The following SYN3 variants were observed in gnomAD, a reference collection of about 807,000 sequenced individuals.
SYN3 encodes synapsin-3.
Under a neutral mutation model 65.8 loss-of-function variants are expected in SYN3, and 35 were observed. That is an observed-to-expected ratio of 0.53 (90% CI 0.41 to 0.70). The LOEUF (loss-of-function observed/expected upper bound fraction) is 0.70, where lower values mean the gene tolerates loss of function less well. Ranked by LOEUF, SYN3 falls within the 30% of genes least tolerant of loss-of-function variation. The pLI is 0.00. For missense variants in SYN3, 680 were observed against 749.0 expected (o/e 0.91, Z 1.08); for synonymous variants, 270 against 292.9 (o/e 0.92, Z 0.80).
chr22:32,583,607 T>C (rs1391440849), intron 7 of SYN3, among the ~76,000 whole-genome samples: 1 of 152,212 alleles, frequency 6.6e-6, no homozygotes, highest in Non-Finnish European at 1.5e-5. Flanking sequence ...ATTTCTCCTC[T>C]TTGATCTCTG....
chr22:32,641,240 A>G (rs1366509872), intron 6 of SYN3, among the ~76,000 whole-genome samples: 1 of 152,134 alleles, frequency 6.6e-6, no homozygotes, highest in Non-Finnish European at 1.5e-5. Flanking sequence ...GTTCAGAATG[A>G]ACATCACCTC....
At position 32,512,825 on chromosome 22, in the gene SYN3, G is replaced by C. The variant is rs375418041; in HGVS notation, c.*867C>G. ...CCCAACAGATCCATAAAAAGGAAAC[G>C]GCATTCCTGGTGGGAGGCCAGAGAG... On this transcript the variant is annotated 3_prime_UTR_variant, in exon 14 of 14. Transcript: ENST00000358763. 2 of 152,156 alleles carry C rather than the reference G, an allele frequency of 1.3e-5. No homozygotes were observed. Among genetic ancestry groups the C allele is most frequent in the African/African-American group, 4.8e-5 (2 of 41,428 alleles). 9.4% of individuals were successfully genotyped at this position (152,156 alleles called of 1,614,324 possible). A position where few individuals can be genotyped will look rare whatever the true frequency, so the allele number is the denominator to read the frequency against.
intron 6 of SYN3, among the ~76,000 whole-genome samples, chr22:32,670,968 T>C (rs1190715378): frequency 6.6e-6 from 1 of 152,188 alleles, no homozygotes; most frequent in Non-Finnish European, 1.5e-5. Flanking sequence ...AGCAATTCTA[T>C]TGACAACGGA....
intron 7 of SYN3, among the ~76,000 whole-genome samples, chr22:32,592,539 AT>A (rs1159474117): frequency 1.3e-5 from 2 of 151,804 alleles, no homozygotes; most frequent in Non-Finnish European, 2.9e-5. Flanking sequence ...AGTCTTTTTT[AT>A]TTTTTAGGAT....
intron 4 of SYN3, among the ~76,000 whole-genome samples, chr22:32,882,214 C>A (rs576050812): frequency 1.5e-4 from 23 of 152,178 alleles, no homozygotes; most frequent in Middle Eastern, 3.4e-3. Flanking sequence ...GCCCATCGGT[C>A]AGGTCATCTT....
intron 6 of SYN3, among the ~76,000 whole-genome samples, chr22:32,790,511 C>T (rs1184360190): frequency 2.6e-5 from 4 of 151,858 alleles, no homozygotes; most frequent in African/African-American, 7.3e-5. Context: ...CTGCAACCTC[C>T]ACCTCCTGGG....
chr22:32,757,061 G>GT (rs2045312480), intron 6 of SYN3, among the ~76,000 whole-genome samples: 1 of 150,774 alleles, frequency 6.6e-6, no homozygotes. Flanking sequence ...TTTTTTTGAG[G>GT]GGGGGTGGTT....
chr22:32,531,636 C>G (rs988923695), intron 10 of SYN3, among the ~76,000 whole-genome samples: 5 of 152,008 alleles, frequency 3.3e-5, no homozygotes, highest in Non-Finnish European at 5.9e-5. Flanking sequence ...TTTCAGTTCT[C>G]ACCACAGAGA....
At chr22:32,944,553 A>T (rs1205116609) in intron 3 of SYN3, among the ~76,000 whole-genome samples, 1 of 152,290 alleles carries the variant, frequency 6.6e-6, no homozygotes, top group Middle Eastern at 3.4e-3. Flanking sequence ...TCAAAATAAT[A>T]AGAGCTATTT....
chr22:32,869,313 T>TG (rs2048775310), intron 4 of SYN3, among the ~76,000 whole-genome samples, 188 bp from the exon 5 acceptor site: 1 of 125,826 alleles, frequency 7.9e-6, no homozygotes, highest in East Asian at 2.5e-4. Flanking sequence ...GTCAAAGGGC[T>TG]GGAAACACTA....
chr22:32,817,044 T>G (rs1406542188), intron 6 of SYN3, among the ~76,000 whole-genome samples: 1 of 144,946 alleles, frequency 6.9e-6, no homozygotes, highest in Non-Finnish European at 1.5e-5. Flanking sequence ...ATAGTAAGAT[T>G]CCCTGTCTCT....
chr22:32,721,412 A>G (rs2061115822), intron 6 of SYN3, among the ~76,000 whole-genome samples: 2 of 152,082 alleles, frequency 1.3e-5, no homozygotes, highest in South Asian at 4.2e-4. Context: ...TGTCTTCAAT[A>G]AAACCCCCAG....
intron 6 of SYN3, among the ~76,000 whole-genome samples, chr22:32,649,116 T>G (rs964360679): frequency 6.6e-6 from 1 of 152,228 alleles, no homozygotes; most frequent in Non-Finnish European, 1.5e-5. Flanking sequence ...ACTTCCCCTA[T>G]CCCTAATTCT....
intron 2 of SYN3, among the ~76,000 whole-genome samples, chr22:33,000,627 T>G (rs113983124): frequency 0.011 from 1,630 of 151,794 alleles, 18 homozygotes; most frequent in Non-Finnish European, 0.016. Context: ...CTGAGAAGGG[T>G]AGAAAAGGGG....
chr22:32,670,367 G>A (rs1288396921), intron 6 of SYN3, among the ~76,000 whole-genome samples: 1 of 152,120 alleles, frequency 6.6e-6, no homozygotes, highest in Non-Finnish European at 1.5e-5. Flanking sequence ...GATTACACTG[G>A]TATATTTTGG....
At chr22:32,976,101 A>C (rs1250204569) in intron 3 of SYN3, among the ~76,000 whole-genome samples, 1 of 152,200 alleles carries the variant, frequency 6.6e-6, no homozygotes, top group Non-Finnish European at 1.5e-5. Context: ...TTCCATTCAG[A>C]AGACATTGAT....
chr22:32,799,136 C>G (rs1019708910), intron 6 of SYN3, among the ~76,000 whole-genome samples: 1 of 152,178 alleles, frequency 6.6e-6, no homozygotes, highest in African/African-American at 2.4e-5. Context: ...GTGACCCTAG[C>G]AGGAGGACTC....
At chr22:32,623,985 C>G (rs9619279) in intron 6 of SYN3, among the ~76,000 whole-genome samples, 2 of 152,090 alleles carry the variant, frequency 1.3e-5, no homozygotes, top group Non-Finnish European at 2.9e-5. Flanking sequence ...CCAAGGACAC[C>G]GCTGCCTCCC....
At chr22:32,717,194 C>A (rs2061050782) in intron 6 of SYN3, among the ~76,000 whole-genome samples, 1 of 152,122 alleles carries the variant, frequency 6.6e-6, no homozygotes, top group Non-Finnish European at 1.5e-5. Flanking sequence ...AGTAGCAGAC[C>A]AGATTGAGAG....
Sources: allele counts gnomAD v4.1 joint callset (sites outside exome capture counted in the v4.1 genomes callset), GRCh38; gene constraint gnomAD v4.1.1; transcripts MANE v1.5; gene names NCBI Gene and HGNC (gene_info 2026-07-23, HGNC 2026-07-21).